Variants in ERBIN observed in about 807,000 individuals in gnomAD.
ERBIN encodes erbb2 interacting protein.
Under a neutral mutation model 158.4 loss-of-function variants are expected in ERBIN, and 60 were observed. The observed-to-expected ratio is 0.38, with a 90% confidence interval of 0.31 to 0.47. The LOEUF (loss-of-function observed/expected upper bound fraction) is 0.47, where lower values mean the gene tolerates loss of function less well. ERBIN is among the 20% of genes least tolerant of loss of function. ERBIN has a pLI of 0.99. For missense variants in ERBIN, 1,610 were observed against 1,648.0 expected, an observed-to-expected ratio of 0.98 and a Z score of 0.40; for synonymous variants, 594 against 557.2, an observed-to-expected ratio of 1.07 and a Z score of -0.93.
intron 1 of ERBIN, among the ~76,000 whole-genome samples, chr5:65,958,807 G>A (rs1747588514): frequency 1.3e-5 from 2 of 152,184 alleles, no homozygotes; most frequent in Admixed American, 1.3e-4. Context: ...TACATGATGT[G>A]TTCAACACTT....
At chr5:66,036,887 T>C (rs1561407171) in intron 14 of ERBIN, among the ~76,000 whole-genome samples, 1 of 152,248 alleles carries the variant, frequency 6.6e-6, no homozygotes, top group Non-Finnish European at 1.5e-5. Context: ...TATACTGTTC[T>C]CATTCCTTTT....
At chr5:65,930,215 T>C (rs1212026631) in intron 1 of ERBIN, among the ~76,000 whole-genome samples, 2 of 152,200 alleles carry the variant, frequency 1.3e-5, no homozygotes, top group Admixed American at 6.6e-5. Context: ...GTTTATCTGA[T>C]CTTATTTTAT....
intron 20 of ERBIN, among the ~76,000 whole-genome samples, chr5:66,051,390 T>TGA (rs1017738426): frequency 6.6e-6 from 1 of 152,192 alleles, no homozygotes; most frequent in Non-Finnish European, 1.5e-5. Flanking sequence ...ACACACTCAC[T>TGA]GAGAGAGAGA....
At chr5:66,076,165 T>C in intron 23 of ERBIN, 151 bp from the exon 24 acceptor site, 1 of 617,606 alleles carries the variant, frequency 1.6e-6, no homozygotes, top group Non-Finnish European at 2.8e-6. Flanking sequence ...TTCTATGTTG[T>C]ATTTCACTTC....
rs1306153142 is a variant in ERBIN, at chr5:66,021,279, T to A, written c.534-43T>A. On this transcript the variant is annotated intron_variant, in intron 7 of 25. Transcript: ENST00000284037. ...ACTGTTTTGAAAGCTTCCATGTAAT[T>A]GATATTTTTCTAGTTAATTTTTCAT... The A allele has an allele frequency of 3.9e-6, 5 of 1,284,758 alleles. No individual in the cohort carries two copies. The South Asian group carries it at 3.9e-5, about 10-fold the overall frequency. 79.6% of individuals were successfully genotyped at this position (1,284,758 alleles called of 1,614,324 possible). A position where few individuals can be genotyped will look rare whatever the true frequency, so the allele number is the denominator to read the frequency against.
intron 1 of ERBIN, among the ~76,000 whole-genome samples, chr5:65,977,152 C>G (rs995822101): frequency 1.4e-5 from 2 of 146,246 alleles, no homozygotes; most frequent in African/African-American, 5.1e-5. Flanking sequence ...GGGGCTGACT[C>G]CCCCACCTCC....
At chr5:65,969,677 G>A (rs1263191477) in intron 1 of ERBIN, among the ~76,000 whole-genome samples, 1 of 152,122 alleles carries the variant, frequency 6.6e-6, no homozygotes, top group East Asian at 1.9e-4. Context: ...GTCAAGTGTT[G>A]AAATATGCAG....
intron 3 of ERBIN, among the ~76,000 whole-genome samples, chr5:65,994,527 G>C (rs529471332): frequency 6.6e-6 from 1 of 152,134 alleles, no homozygotes; most frequent in African/African-American, 2.4e-5. Flanking sequence ...TTCTCACTAA[G>C]TGCATTTTAC....
intron 1 of ERBIN, among the ~76,000 whole-genome samples, chr5:65,957,835 G>C (rs1283375516): frequency 1.3e-5 from 2 of 150,964 alleles, no homozygotes; most frequent in Non-Finnish European, 1.5e-5. Flanking sequence ...CGGCTGCCGG[G>C]CGGAGGGGCT....
intron 5 of ERBIN, 122 bp downstream of exon 5, chr5:66,012,249 A>G (rs1306384220): frequency 1.7e-6 from 1 of 586,638 alleles, no homozygotes; most frequent in East Asian, 2.9e-5. Context: ...CAAAATTTCA[A>G]TTTTAGAGTT....
intron 4 of ERBIN, among the ~76,000 whole-genome samples, chr5:65,997,728 T>C (rs755240135): frequency 3.9e-5 from 6 of 152,162 alleles, no homozygotes; most frequent in Non-Finnish European, 7.4e-5. Context: ...CCAGCAAATA[T>C]GTAGTAATCA....
chr5:66,004,389 TGC>T (rs1165873668), intron 4 of ERBIN, among the ~76,000 whole-genome samples: 2 of 149,368 alleles, frequency 1.3e-5, no homozygotes, highest in African/African-American at 5.2e-5. Flanking sequence ...CGTGTGTGTG[TGC>T]GCGCGCGTGC....
At chr5:65,990,265 A>G (rs1445030478) in intron 2 of ERBIN, among the ~76,000 whole-genome samples, 1 of 152,232 alleles carries the variant, frequency 6.6e-6, no homozygotes, top group Non-Finnish European at 1.5e-5. Flanking sequence ...CAGTTTCTTC[A>G]TGGAAAAATG....
At position 66,038,271 on chromosome 5, in the gene ERBIN, C is replaced by T. The variant is rs146774778; in HGVS notation, c.1207-112C>T. On this transcript the variant is annotated intron_variant, in intron 14 of 25. Transcript: ENST00000284037. ...TGTGTATAGTTAGATTTGTTTGTAA[C>T]CTGCACATTGATACTTTATAGAAAA... 9.1e-5 allele frequency: 52 copies of T among 570,084 alleles called. No individual in the cohort carries two copies. In the African/African-American group the frequency reaches 9.4e-4, roughly 10 times the overall value. The allele number at this position is 570,084 out of a possible 1,614,324, so 35.3% of individuals were successfully genotyped here.
intron 14 of ERBIN, among the ~76,000 whole-genome samples, chr5:66,028,867 A>G (rs553129590): frequency 1.0e-3 from 157 of 152,212 alleles, no homozygotes; most frequent in African/African-American, 3.6e-3. Flanking sequence ...TCTTTTTTAG[A>G]TTCCTCATAT....
chr5:66,077,048 G>T, intron 25 of ERBIN, 99 bp downstream of exon 25: 2 of 870,416 alleles, frequency 2.3e-6, no homozygotes, highest in Middle Eastern at 3.7e-4. Flanking sequence ...GTGGGTGGGA[G>T]GCTGAGGCAG....
At chr5:65,936,164 G>C (rs971067439) in intron 1 of ERBIN, among the ~76,000 whole-genome samples, 2 of 152,116 alleles carry the variant, frequency 1.3e-5, no homozygotes, top group African/African-American at 2.4e-5. Context: ...CTGATGGAGG[G>C]GGGGTGGGGA....
chr5:65,937,959 C>A (rs1227052901), intron 1 of ERBIN, among the ~76,000 whole-genome samples: 1 of 152,010 alleles, frequency 6.6e-6, no homozygotes, highest in Non-Finnish European at 1.5e-5. Flanking sequence ...AGAGGGTCTG[C>A]ATTTGTAGAT....
In ERBIN at chr5:66,080,004, TA is replaced by T. The variant is rs1358060355; in HGVS notation, c.*1476del. On this transcript the variant is annotated 3_prime_UTR_variant, in exon 26 of 26. Transcript: ENST00000284037. ...AGAAAAAAGTGCCATAGAAGACCAA[TA>T]ACTGTTTAGTTGAGGCTAGTCTGGA... 2 of 152,202 alleles carry T rather than the reference TA, an allele frequency of 1.3e-5. No individual in the cohort carries two copies. The highest frequency in any genetic ancestry group is 4.8e-5 in the African/African-American group (2 of 41,464). The allele number at this position is 152,202 out of a possible 1,614,324, so 9.4% of individuals were successfully genotyped here. A position where few individuals can be genotyped will look rare whatever the true frequency, so the allele number is the denominator to read the frequency against.
Sources: allele counts gnomAD v4.1 joint callset (sites outside exome capture counted in the v4.1 genomes callset), GRCh38; gene constraint gnomAD v4.1.1; transcripts MANE v1.5; gene names NCBI Gene and HGNC (gene_info 2026-07-23, HGNC 2026-07-21).